Variants in BBS9 observed in about 807,000 individuals in gnomAD.
BBS9 encodes the protein protein PTHB1.
Under a neutral mutation model 117.7 loss-of-function variants are expected in BBS9, and 89 were observed. That is an observed-to-expected ratio of 0.76 (90% confidence interval 0.64 to 0.90). The LOEUF (loss-of-function observed/expected upper bound fraction) is 0.90. Ranked by LOEUF, BBS9 falls within the 40% of genes least tolerant of loss-of-function variation. The probability of loss-of-function intolerance (pLI) is 0.00; values close to 1 mark genes in which losing one functional copy is unlikely to be tolerated. For missense variants in BBS9, 982 were observed against 1,042.2 expected (o/e 0.94, Z 0.80); for synonymous variants, 379 against 370.9 (o/e 1.02, Z -0.25).
intron 20 of BBS9, among the ~76,000 whole-genome samples, chr7:33,517,679 A>G (rs2058917502): frequency 2.0e-5 from 3 of 152,200 alleles, no homozygotes; most frequent in East Asian, 3.8e-4. Flanking sequence ...TCTCAGGACT[A>G]TTAGTTCCAA....
At chr7:33,450,877 G>GT (rs1231078990) in intron 19 of BBS9, among the ~76,000 whole-genome samples, 1 of 126,790 alleles carries the variant, frequency 7.9e-6, no homozygotes, top group South Asian at 2.6e-4. Context: ...TTTTTTTTTT[G>GT]TTTTTTTGTT....
chr7:33,626,150 G>A (rs1865626959), intron 21 of BBS9, among the ~76,000 whole-genome samples: 1 of 152,140 alleles, frequency 6.6e-6, no homozygotes, highest in Admixed American at 6.5e-5. Flanking sequence ...AGATCTGGTT[G>A]TTTAAAAATG....
chr7:33,220,744 C>T (rs1385324268), intron 5 of BBS9, among the ~76,000 whole-genome samples: 1 of 152,162 alleles, frequency 6.6e-6, no homozygotes, highest in Non-Finnish European at 1.5e-5. Context: ...TATTCTTATA[C>T]AGACTAGTAC....
chr7:33,363,224 T>C (rs960700566), intron 16 of BBS9, among the ~76,000 whole-genome samples: 11 of 152,144 alleles, frequency 7.2e-5, no homozygotes, highest in African/African-American at 2.4e-4. Context: ...TGTCTCAGCC[T>C]CCCAAGTAGT....
chr7:33,131,197 C>T (rs1038321006), intron 1 of BBS9, among the ~76,000 whole-genome samples: 4 of 152,228 alleles, frequency 2.6e-5, no homozygotes, highest in Non-Finnish European at 5.9e-5. Flanking sequence ...TCTCTTTCAA[C>T]TACCACTACT....
chr7:33,256,548 G>C (rs550372590), intron 5 of BBS9, among the ~76,000 whole-genome samples: 1 of 151,880 alleles, frequency 6.6e-6, no homozygotes, highest in East Asian at 1.9e-4. Flanking sequence ...TTAGCTGTAT[G>C]ATTGTCCTTA....
rs183095393 is a variant in BBS9, at chr7:33,584,332, T to C, written c.2522-20533T>C. On this transcript the variant is annotated intron_variant, in intron 21 of 22. Coordinates refer to ENST00000242067, the MANE Select transcript of BBS9 (RefSeq NM_198428.3). ...ACATTTCTTCCTTTCTAAAATATCT[T>C]ATTATACTGCTTTGAATTTCTGGAA... Among the ~76,000 whole-genome samples the C allele has an allele frequency of 5.6e-3, 849 of 152,204 alleles. 1 individual carries two copies. Among genetic ancestry groups the C allele is most frequent in the Non-Finnish European group, 8.2e-3 (555 of 67,974 alleles).
chr7:33,451,719 G>T (rs576971076), intron 19 of BBS9, among the ~76,000 whole-genome samples: 2 of 152,236 alleles, frequency 1.3e-5, no homozygotes, highest in East Asian at 3.9e-4. Context: ...TCCTGTTTTT[G>T]CATAACATGC....
chr7:33,208,795 TTC>T (rs1787448786), intron 5 of BBS9, among the ~76,000 whole-genome samples: 3 of 64,912 alleles, frequency 4.6e-5, no homozygotes, highest in Non-Finnish European at 9.9e-5. Flanking sequence ...TTCAGGAAAA[TTC>T]TGTTTTTTTT....
At chr7:33,559,323 T>G (rs1855749346) in intron 21 of BBS9, among the ~76,000 whole-genome samples, 1 of 152,198 alleles carries the variant, frequency 6.6e-6, no homozygotes, top group African/African-American at 2.4e-5. Flanking sequence ...TGACATTTTA[T>G]TTTTTAATTC....
At chr7:33,568,678 C>G (rs896938256) in intron 21 of BBS9, among the ~76,000 whole-genome samples, 1 of 152,148 alleles carries the variant, frequency 6.6e-6, no homozygotes, top group Non-Finnish European at 1.5e-5. Context: ...CAGAATTTCT[C>G]TTCTAACTTC....
chr7:33,531,482 C>T (rs1850575255), intron 20 of BBS9, among the ~76,000 whole-genome samples: 1 of 152,084 alleles, frequency 6.6e-6, no homozygotes. Context: ...GTTTTGGGGT[C>T]AGTCTGGGGT....
intron 19 of BBS9, among the ~76,000 whole-genome samples, chr7:33,436,416 A>G (rs970358471): frequency 6.6e-6 from 1 of 152,148 alleles, no homozygotes; most frequent in African/African-American, 2.4e-5. Flanking sequence ...CCAACTTTGA[A>G]TCATCTGTCT....
At chr7:33,329,275 C>T (rs911348186) in intron 9 of BBS9, among the ~76,000 whole-genome samples, 12 of 152,166 alleles carry the variant, frequency 7.9e-5, no homozygotes, top group Admixed American at 5.9e-4. Context: ...CCCACCTTGG[C>T]CTCCCAAAGT....
intron 21 of BBS9, among the ~76,000 whole-genome samples, chr7:33,580,013 G>A (rs2129156779): frequency 6.6e-6 from 1 of 152,168 alleles, no homozygotes; most frequent in African/African-American, 2.4e-5. Context: ...ATTTATTTAT[G>A]ATAACAATAA....
chr7:33,241,175 T>C (rs1291096268), intron 5 of BBS9, among the ~76,000 whole-genome samples: 1 of 152,138 alleles, frequency 6.6e-6, no homozygotes, highest in Non-Finnish European at 1.5e-5. Context: ...CTATTGTGAA[T>C]GAAATCTTTG....
At position 33,534,143 on chromosome 7, in the gene BBS9, G is replaced by C. The variant is rs368704638; in HGVS notation, c.2488G>C (p.Asp830His). 6.2e-7 allele frequency: 1 copy of C among 1,614,040 alleles called. No homozygotes were observed. Among genetic ancestry groups the C allele is most frequent in the Non-Finnish European group, 8.5e-7 (1 of 1,180,048 alleles). The stretch of plus-strand genomic sequence containing the variant: ...AGGTGGCCGTCTCTGCCTAAGTACC[G>C]ATGCAGCAGCCCCACAGACCATGGT... ...SKGGRLCLST[D>H]AAAPQTMVMP... Residue 830 changes from aspartate to histidine, a missense_variant, in exon 21 of 23, where the codon GAT becomes CAT. Transcript: ENST00000242067.
intron 15 of BBS9, among the ~76,000 whole-genome samples, chr7:33,356,597 G>C (rs918905993): frequency 6.6e-6 from 1 of 151,764 alleles, no homozygotes; most frequent in Non-Finnish European, 1.5e-5. Context: ...TGCTCCACAT[G>C]CTCTGAAAAA....
intron 7 of BBS9, among the ~76,000 whole-genome samples, chr7:33,270,732 C>T (rs1799651970): frequency 6.6e-6 from 1 of 152,166 alleles, no homozygotes; most frequent in African/African-American, 2.4e-5. Context: ...AACTTTATGA[C>T]TCATTGGCAT....
Sources: allele counts gnomAD v4.1 joint callset (sites outside exome capture counted in the v4.1 genomes callset), GRCh38; gene constraint gnomAD v4.1.1; transcripts MANE v1.5; gene names NCBI Gene and HGNC (gene_info 2026-07-23, HGNC 2026-07-21).